The following GPC6 variants were observed in gnomAD, a reference collection of about 807,000 sequenced individuals.
GPC6 encodes the protein glypican 6.
In GPC6, 14 loss-of-function variants were observed where a neutral mutation model predicts 55.2. The observed-to-expected ratio is 0.25, with a 90% confidence interval of 0.17 to 0.40. The LOEUF (loss-of-function observed/expected upper bound fraction) is 0.40. Ranked by LOEUF, GPC6 falls within the 10% of genes least tolerant of loss-of-function variation. GPC6 has a pLI of 1.00. For missense variants in GPC6, 641 were observed against 708.5 expected (o/e 0.90, Z 1.08); for synonymous variants, 278 against 259.6 (o/e 1.07, Z -0.68).
intron 1 of GPC6, among the ~76,000 whole-genome samples, chr13:93,293,396 T>C (rs764508326): frequency 6.6e-6 from 1 of 152,202 alleles, no homozygotes; most frequent in African/African-American, 2.4e-5. Flanking sequence ...TAATCTGATA[T>C]CTGTTTTTGT....
chr13:93,761,331 A>G (rs576886414), intron 2 of GPC6, among the ~76,000 whole-genome samples: 11 of 152,320 alleles, frequency 7.2e-5, no homozygotes, highest in African/African-American at 2.4e-4. Flanking sequence ...AAAGAGTTTC[A>G]AAGTTAGTTT....
At chr13:94,290,743 C>A (rs1210593474) in intron 5 of GPC6, among the ~76,000 whole-genome samples, 1 of 152,108 alleles carries the variant, frequency 6.6e-6, no homozygotes, top group African/African-American at 2.4e-5. Context: ...ATTAAAAATT[C>A]TTCAAGAGAT....
chr13:93,322,431 C>CTTTTTTTTTTTTT (rs71272281), intron 1 of GPC6, among the ~76,000 whole-genome samples: 2 of 96,788 alleles, frequency 2.1e-5, no homozygotes, highest in Non-Finnish European at 3.9e-5. Context: ...TTTCTTTCTT[C>CTTTTTTTTTTTTT]TTTTTTTTTT....
At chr13:93,258,681 G>A (rs1035175042) in intron 1 of GPC6, among the ~76,000 whole-genome samples, 2 of 152,114 alleles carry the variant, frequency 1.3e-5, no homozygotes, top group Non-Finnish European at 2.9e-5. Context: ...GCTCATGCCT[G>A]TAATCCTAGC....
At chr13:94,261,487 T>A (rs1891657033) in intron 4 of GPC6, among the ~76,000 whole-genome samples, 1 of 152,148 alleles carries the variant, frequency 6.6e-6, no homozygotes, top group South Asian at 2.1e-4. Context: ...AAATAAGGAT[T>A]TAGTGTTTAC....
Position 93,542,673 on chromosome 13 carries a change from A to G in GPC6, c.161-2590A>G, listed in dbSNP as rs1882366778. 2.0e-5 allele frequency among the ~76,000 whole-genome samples: 3 copies of G among 152,084 alleles called. No homozygotes were observed. In the South Asian group the frequency reaches 6.2e-4, roughly 32 times the overall value. ...ACCCATGAGCATGGAATGTTCTTCC[A>G]TTTGTTTGTATTCTCTTTTATTTTA... is the stretch of plus-strand genomic sequence containing the variant. On this transcript the variant is annotated intron_variant, in intron 1 of 8. Transcript: ENST00000377047.
At chr13:93,869,835 G>C (rs984434237) in intron 3 of GPC6, among the ~76,000 whole-genome samples, 1 of 151,718 alleles carries the variant, frequency 6.6e-6, no homozygotes, top group African/African-American at 2.4e-5. Flanking sequence ...TGAATACAAC[G>C]GAGGAATGAA....
At chr13:93,577,871 G>A (rs922199495) in intron 2 of GPC6, among the ~76,000 whole-genome samples, 1 of 152,010 alleles carries the variant, frequency 6.6e-6, no homozygotes, top group South Asian at 2.1e-4. Flanking sequence ...TTATTATGTT[G>A]AGGTATGTTC....
chr13:93,219,755 A>T, the GPC6 span, among the ~76,000 whole-genome samples: 2 of 152,206 alleles, frequency 1.3e-5, no homozygotes, highest in African/African-American at 2.4e-5. Context: ...TCATATCAAT[A>T]TATCATCATA....
intron 1 of GPC6, among the ~76,000 whole-genome samples, chr13:93,497,073 C>T (rs1034947516): frequency 6.6e-6 from 1 of 152,154 alleles, no homozygotes; most frequent in African/African-American, 2.4e-5. Context: ...CTGATGCCCT[C>T]GTGCTGCTGC....
intron 1 of GPC6, among the ~76,000 whole-genome samples, chr13:93,458,398 C>G (rs1878551965): frequency 6.6e-6 from 1 of 152,006 alleles, no homozygotes; most frequent in Non-Finnish European, 1.5e-5. Flanking sequence ...TTGCTTGTTT[C>G]TTACCTTCCC....
rs559156860 is a variant in GPC6 at position 94,392,403 on chromosome 13, A to G, written c.1290-6063A>G. Among the ~76,000 whole-genome samples, 245 of 146,914 alleles carry G rather than the reference A, an allele frequency of 1.7e-3. 3 individuals are homozygous for G. The highest frequency in any genetic ancestry group is 3.6e-3 in the Middle Eastern group (1 of 276). On this transcript the variant is annotated intron_variant, in intron 7 of 8. Transcript: ENST00000377047. ...TATGCAATTGCTGGATCATATGGTA[A>G]TTCTATTTTTAATTTTTTTTTTTTT...
chr13:94,279,297 T>C (rs1892302267), intron 4 of GPC6, among the ~76,000 whole-genome samples: 1 of 152,104 alleles, frequency 6.6e-6, no homozygotes, highest in Admixed American at 6.6e-5. Flanking sequence ...CTTTATCATT[T>C]TTTATTGTGT....
chr13:93,887,689 G>A lies in GPC6; in HGVS notation c.711+57144G>A, dbSNP rs539335343. Among the ~76,000 whole-genome samples, 5 of 152,156 alleles carry A rather than the reference G, an allele frequency of 3.3e-5. No individual in the cohort carries two copies. In the South Asian group the frequency reaches 1.0e-3, roughly 32 times the overall value. ...CTCTGTGGGGAATTAGTGACTTCGTGCCATGATTTCTGAATCGTGATACAA... is the reference window on the plus strand; with the variant it reads ...CTCTGTGGGGAATTAGTGACTTCGTACCATGATTTCTGAATCGTGATACAA... On this transcript the variant is annotated intron_variant, in intron 3 of 8. Coordinates refer to ENST00000377047, the MANE Select transcript of GPC6 (RefSeq NM_005708.5).
intron 3 of GPC6, among the ~76,000 whole-genome samples, chr13:93,979,447 G>A (rs1880688978): frequency 6.6e-6 from 1 of 151,672 alleles, no homozygotes. Context: ...CCACTTTCCT[G>A]ATGCTTTTTT....
chr13:93,462,065 A>C (rs1005038406), intron 1 of GPC6, among the ~76,000 whole-genome samples: 2 of 152,210 alleles, frequency 1.3e-5, no homozygotes, highest in African/African-American at 2.4e-5. Context: ...ATCAGGATAA[A>C]TGCCTCAACA....
intron 4 of GPC6, among the ~76,000 whole-genome samples, chr13:94,118,185 C>G (rs1886500305): frequency 6.6e-6 from 1 of 151,892 alleles, no homozygotes; most frequent in Non-Finnish European, 1.5e-5. Context: ...TAGGAGGGAC[C>G]CAGTGGGAGA....
chr13:94,273,873 G>A (rs1051149369), intron 4 of GPC6, among the ~76,000 whole-genome samples: 3 of 152,140 alleles, frequency 2.0e-5, no homozygotes, highest in African/African-American at 7.2e-5. Flanking sequence ...ATAGGTTGAT[G>A]TGAATTATTT....
At chr13:93,681,585 T>C (rs1316083918) in intron 2 of GPC6, among the ~76,000 whole-genome samples, 7 of 152,182 alleles carry the variant, frequency 4.6e-5, no homozygotes, top group Non-Finnish European at 7.4e-5. Context: ...TAAATTCATA[T>C]TTCTATGTTA....
Sources: gnomAD v4.1 joint callset for allele counts (sites outside exome capture counted in the v4.1 genomes callset) on GRCh38, gnomAD v4.1.1 for gene constraint, MANE v1.5 for transcripts, NCBI Gene and HGNC (gene_info 2026-07-23, HGNC 2026-07-21) for gene names.